The following SEC24A variants were observed in gnomAD, a reference collection of about 807,000 sequenced individuals.
The protein encoded by SEC24A is protein transport protein Sec24A.
Under a neutral mutation model 129.4 loss-of-function variants are expected in SEC24A, and 93 were observed. The ratio of observed to expected loss-of-function variants is 0.72; its 90% CI spans 0.61 to 0.85. The LOEUF (loss-of-function observed/expected upper bound fraction) is 0.85, where lower values mean the gene tolerates loss of function less well. Among genes scored for constraint, SEC24A ranks in the 40% least tolerant of loss-of-function variants. The pLI, the probability that SEC24A is intolerant of heterozygous loss-of-function variation, is 0.00. For missense variants in SEC24A, 1,264 were observed against 1,307.4 expected (o/e 0.97, Z 0.51); for synonymous variants, 460 against 467.3 (o/e 0.98, Z 0.20).
rs544145320 is a variant in SEC24A, at chr5:134,654,008, A to T, written c.97+4835A>T. Among the ~76,000 whole-genome samples, 4 of 151,388 alleles carry T rather than the reference A, an allele frequency of 2.6e-5. No individual in the cohort carries two copies. In the East Asian group the frequency reaches 7.9e-4, roughly 30 times the overall value. Reference sequence around the variant, plus strand: ...CCCATATCTATAAAAAAGTAAGAAAAATTAGTCCAGTGTAGTGGTGCCAGC... The same window carrying T: ...CCCATATCTATAAAAAAGTAAGAAATATTAGTCCAGTGTAGTGGTGCCAGC... On this transcript the variant is annotated intron_variant, in intron 1 of 22. Transcript: ENST00000398844.
rs1409644943 is a variant in SEC24A at position 134,648,804 on chromosome 5, C to T, written c.-273C>T. 1 of 304,498 alleles carries T rather than the reference C, an allele frequency of 3.3e-6. No homozygotes were observed. Among genetic ancestry groups the T allele is most frequent in the Admixed American group, 5.2e-5 (1 of 19,356 alleles). The allele number at this position is 304,498 out of a possible 1,614,324, so 18.9% of individuals were successfully genotyped here. ...ACAGGCACTTCCGGCCAGGGCCTCC[C>T]TCCTTCTCTCTAGGTTTGGCTGCCG... On this transcript the variant is annotated 5_prime_UTR_variant, in exon 1 of 23. Coordinates refer to ENST00000398844, the MANE Select transcript of SEC24A (RefSeq NM_021982.3).
intron 18 of SEC24A, among the ~76,000 whole-genome samples, chr5:134,712,404 C>T (rs1038736548): frequency 3.3e-5 from 5 of 151,704 alleles, no homozygotes; most frequent in Non-Finnish European, 5.9e-5. Context: ...GCACCCGCCA[C>T]CATGCCCAGC....
At chr5:134,648,703 G>A (rs564674213), upstream of SEC24A, 48 of 160,884 alleles carry the variant, frequency 3.0e-4, 1 homozygote, top group South Asian at 7.9e-3. Context: ...AGAGTTCGCC[G>A]GCGCGGCGGC....
rs560470200 is a variant in SEC24A at position 134,665,874 on chromosome 5, GTAAACAAAATTAACAAAA to G, written c.566-946_566-929del. 7.4e-4 allele frequency among the ~76,000 whole-genome samples: 112 copies of G among 152,236 alleles called. 5 individuals carry two copies. The South Asian group carries it at 0.023, about 31-fold the overall frequency. On this transcript the variant is annotated intron_variant, in intron 2 of 22. Transcript: ENST00000398844. ...GATGTTAATGGAACAGACTATGTTG[GTAAACAAAATTAACAAAA>G]TATTACAAAATTAATAACATTGAAA...
At chr5:134,702,958 T>C (rs1264864317) in intron 15 of SEC24A, among the ~76,000 whole-genome samples, 3 of 151,906 alleles carry the variant, frequency 2.0e-5, no homozygotes, top group Non-Finnish European at 4.4e-5. Flanking sequence ...AGAGACAGGA[T>C]TTCACCATGT....
intron 1 of SEC24A, among the ~76,000 whole-genome samples, chr5:134,658,893 C>G (rs1326548269): frequency 6.6e-6 from 1 of 152,044 alleles, no homozygotes; most frequent in Admixed American, 6.6e-5. Context: ...TTCCTGGTTG[C>G]CCCTGGGAAG....
intron 21 of SEC24A, among the ~76,000 whole-genome samples, chr5:134,721,584 T>C (rs963594128): frequency 1.5e-5 from 2 of 135,872 alleles, no homozygotes; most frequent in African/African-American, 5.5e-5. Flanking sequence ...AAAAAAAAGA[T>C]AGATATGCCA....
chr5:134,675,571 CT>C (rs947197818), intron 6 of SEC24A, among the ~76,000 whole-genome samples: 6 of 151,996 alleles, frequency 3.9e-5, no homozygotes, highest in Non-Finnish European at 7.4e-5. Context: ...AACATAATAC[CT>C]TTTTTTCCTA....
chr5:134,727,240 ATTTT>A lies in SEC24A; in HGVS notation c.*2151_*2154del, dbSNP rs577943705. The A allele has an allele frequency of 6.6e-6, 1 of 152,082 alleles. No individual in the cohort carries two copies. The highest frequency in any genetic ancestry group is 1.5e-5 in the Non-Finnish European group (1 of 67,884). 9.4% of individuals were successfully genotyped at this position (152,082 alleles called of 1,614,324 possible). ...GCGACTAATATTTACACTATGCCATATTTTTTTTAATTATAGTTGTAAATTATGA... is the reference window on the plus strand; with the variant it reads ...GCGACTAATATTTACACTATGCCATATTTTAATTATAGTTGTAAATTATGA... On this transcript the variant is annotated 3_prime_UTR_variant, in exon 23 of 23. Coordinates refer to ENST00000398844, the MANE Select transcript of SEC24A (RefSeq NM_021982.3).
chr5:134,713,867 A>G (rs924828397), intron 18 of SEC24A, among the ~76,000 whole-genome samples: 1 of 144,636 alleles, frequency 6.9e-6, no homozygotes, highest in African/African-American at 2.6e-5. Context: ...GCTCTCTACT[A>G]AAAATACAAA....
intron 13 of SEC24A, 52 bp from the exon 14 acceptor site, chr5:134,697,074 A>G (rs568720747): frequency 2.7e-6 from 3 of 1,090,968 alleles, no homozygotes. Flanking sequence ...TTTAGATTTT[A>G]TGACAATGTA....
At chr5:134,722,207 T>C (rs1181454378) in intron 21 of SEC24A, among the ~76,000 whole-genome samples, 1 of 152,036 alleles carries the variant, frequency 6.6e-6, no homozygotes, top group African/African-American at 2.4e-5. Flanking sequence ...AATGGCAAGG[T>C]TGCCCGGGCG....
intron 16 of SEC24A, among the ~76,000 whole-genome samples, chr5:134,704,940 G>T (rs1328324981): frequency 6.6e-6 from 1 of 151,240 alleles, no homozygotes; most frequent in East Asian, 1.9e-4. Flanking sequence ...GCCTCCCAAA[G>T]TGCTGGGTGC....
In SEC24A at chr5:134,697,134, C is replaced by T. The variant is rs761120677; in HGVS notation, c.1995C>T (p.His665=). 4 of 1,518,578 alleles carry T rather than the reference C, an allele frequency of 2.6e-6. No homozygotes were observed. In the African/African-American group the frequency reaches 5.5e-5, roughly 21 times the overall value. 94.1% of individuals were successfully genotyped at this position (1,518,578 alleles called of 1,614,324 possible). The change falls in exon 14 of 23, where the codon CAC becomes CAT. Residue 665 remains histidine, a synonymous_variant. Transcript: ENST00000398844. Reference sequence around the variant, plus strand: ...TAATTTATTATAAATAGGATATACACATGACACCATCCACTGACTTCTATA... The same window carrying T: ...TAATTTATTATAAATAGGATATACATATGACACCATCCACTGACTTCTATA... The part of the protein sequence containing the change: ...PNHRSSAKDI[H]MTPSTDFYKK...
chr5:134,702,478 G>T (rs1250445465), intron 15 of SEC24A, among the ~76,000 whole-genome samples: 1 of 152,114 alleles, frequency 6.6e-6, no homozygotes. Flanking sequence ...TCATTTTTAT[G>T]TAGTTAAAAA....
intron 11 of SEC24A, among the ~76,000 whole-genome samples, chr5:134,691,838 C>T (rs1751667010): frequency 6.6e-6 from 1 of 151,352 alleles, no homozygotes; most frequent in Non-Finnish European, 1.5e-5. Flanking sequence ...TATTGGTGAG[C>T]TGTATTGCTT....
chr5:134,652,034 G>A (rs1260057889), intron 1 of SEC24A, among the ~76,000 whole-genome samples: 1 of 148,224 alleles, frequency 6.7e-6, no homozygotes, highest in Non-Finnish European at 1.5e-5. Flanking sequence ...CAATTCTCCT[G>A]CCTCAGCCTC....
At position 134,697,243 on chromosome 5, in the gene SEC24A, C is replaced by T. The variant is rs1434698614; in HGVS notation, c.2104C>T (p.Leu702=). The T allele has an allele frequency of 1.3e-6, 2 of 1,592,484 alleles. No homozygotes were observed. Among genetic ancestry groups the T allele is most frequent in the African/African-American group, 1.3e-5 (1 of 74,394 alleles). ...TGGACAGTATTCTGATTTGGCTTCT[C>T]TGGGTAAGTTCTTCGTAATGATTTT... ...LSGQYSDLAS[L]GCISRYSAGS... Residue 702 remains leucine (L), a synonymous_variant, in exon 14 of 23, where the codon CTG becomes TTG. Coordinates refer to ENST00000398844, the MANE Select transcript of SEC24A (RefSeq NM_021982.3).
In SEC24A at chr5:134,727,151, T is replaced by TC. The variant is rs1752772945; in HGVS notation, c.*2058dup. 1 of 152,574 alleles carries TC rather than the reference T, an allele frequency of 6.6e-6. No homozygotes were observed. The highest frequency in any genetic ancestry group is 1.5e-5 in the Non-Finnish European group (1 of 67,982). 9.5% of individuals were successfully genotyped at this position (152,574 alleles called of 1,614,324 possible). On this transcript the variant is annotated 3_prime_UTR_variant, in exon 23 of 23. Coordinates refer to ENST00000398844, the MANE Select transcript of SEC24A (RefSeq NM_021982.3). ...TGTTGAATGTGTTTTTTAGTTTGATTCTTTTTTTTTCCCCCAATAGGGCAC... is the reference window on the plus strand; with the variant it reads ...TGTTGAATGTGTTTTTTAGTTTGATTCCTTTTTTTTTCCCCCAATAGGGCAC...
Sources: allele counts gnomAD v4.1 joint callset (sites outside exome capture counted in the v4.1 genomes callset), GRCh38; gene constraint gnomAD v4.1.1; transcripts MANE v1.5; gene names NCBI Gene and HGNC (gene_info 2026-07-23, HGNC 2026-07-21).